Variants in ZMIZ2 observed in about 807,000 individuals in gnomAD.
ZMIZ2 encodes the protein zinc finger MIZ-type containing 2.
In ZMIZ2, 26 loss-of-function variants were observed where a neutral mutation model predicts 93.9. That is an observed-to-expected ratio of 0.28 (90% confidence interval 0.20 to 0.38). The LOEUF (loss-of-function observed/expected upper bound fraction) is 0.38. ZMIZ2 is among the 10% of genes least tolerant of loss of function. The pLI is 1.00. For synonymous variants in ZMIZ2, 485 were observed against 516.4 expected (o/e 0.94, Z 0.82); for missense variants, 1,023 against 1,235.0 (o/e 0.83, Z 2.57).
intron 11 of ZMIZ2, among the ~76,000 whole-genome samples, 182 bp from the exon 12 acceptor site, chr7:44,762,699 G>T (rs1294407212): frequency 6.6e-6 from 1 of 152,216 alleles, no homozygotes; most frequent in African/African-American, 2.4e-5. Context: ...AAGGCAGCTG[G>T]ATGGGGCCAA....
Position 44,758,116 on chromosome 7 carries a change from T to A in ZMIZ2, c.813+8T>A. 11 of 1,531,124 alleles carry A rather than the reference T, an allele frequency of 7.2e-6. No individual in the cohort carries two copies. Among genetic ancestry groups the A allele is most frequent in the Non-Finnish European group, 9.7e-6 (11 of 1,139,196 alleles). The allele number at this position is 1,531,124 out of a possible 1,614,324, so 94.8% of individuals were successfully genotyped here. A position where few individuals can be genotyped will look rare whatever the true frequency, so the allele number is the denominator to read the frequency against. ...AAGAGAACCTACTCTGAGGTGAGTG[T>A]CCAGGTCACCTAGTTTGGGGCCTTG... On this transcript the variant is annotated splice_region_variant and intron_variant, in intron 6 of 18. Transcript: ENST00000309315.
Position 44,765,910 on chromosome 7 carries a change from G to A in ZMIZ2, c.2243-254G>A. ...CCTCTGGGACCCACCTCACACGCGT[G>A]GTGCGTTTGTTTGTGGCTGCTCCCA... On this transcript the variant is annotated intron_variant, in intron 16 of 18. Coordinates refer to ENST00000309315, the MANE Select transcript of ZMIZ2 (RefSeq NM_031449.4). This position sits in a 1 kb window ranked among gnomAD's most constrained non-coding sequence, Gnocchi z 4.1. 2 of 1,392,798 alleles carry A rather than the reference G, an allele frequency of 1.4e-6. No individual in the cohort carries two copies. The highest frequency in any genetic ancestry group is 1.9e-6 in the Non-Finnish European group (2 of 1,076,794). The allele number at this position is 1,392,798 out of a possible 1,614,324, so 86.3% of individuals were successfully genotyped here.
At chr7:44,758,868 C>G (rs1473195727) in intron 6 of ZMIZ2, among the ~76,000 whole-genome samples, 4 of 143,948 alleles carry the variant, frequency 2.8e-5, no homozygotes, top group Non-Finnish European at 6.0e-5. Flanking sequence ...GAGCTGAGAT[C>G]ATGCCACTGC....
chr7:44,750,656 A>G (rs952193880), intron 1 of ZMIZ2, among the ~76,000 whole-genome samples: 5 of 152,054 alleles, frequency 3.3e-5, no homozygotes, highest in African/African-American at 1.2e-4. Flanking sequence ...GGGTGCAGCT[A>G]CTCTGGGACA....
chr7:44,760,151 C>G lies in ZMIZ2; in HGVS notation c.994C>G (p.Pro332Ala). The change falls in exon 8 of 19, where the codon CCC (proline) becomes GCC (alanine). Residue 332 changes from proline to alanine, a missense_variant and splice_region_variant. Physicochemically the swap from Pro to Ala is conservative, Grantham distance 27. Coordinates refer to ENST00000309315, the MANE Select transcript of ZMIZ2 (RefSeq NM_031449.4). ...GTGCATGCAGTTTTCTCTCCCGCAGCCCACAGAGCAGTTCAACGGGCAGGG... is the reference window on the plus strand; with the variant it reads ...GTGCATGCAGTTTTCTCTCCCGCAGGCCACAGAGCAGTTCAACGGGCAGGG... ...VPGPTGLHYK[P>A]TEQFNGQGAS... 6.2e-7 allele frequency: 1 copy of G among 1,613,936 alleles called. No individual in the cohort carries two copies. The highest frequency in any genetic ancestry group is 8.5e-7 in the Non-Finnish European group (1 of 1,179,986).
chr7:44,756,867 T>C, intron 3 of ZMIZ2, 80 bp from the exon 4 acceptor site: 2 of 1,224,996 alleles, frequency 1.6e-6, no homozygotes, highest in East Asian at 3.7e-5. Flanking sequence ...GCCAGGCCTG[T>C]TGGTTTCTAG....
rs1333499342 is a variant in ZMIZ2, at chr7:44,769,870, C to G, written c.*2247C>G. ...ACAGTATGATGCCATTTTTATAAAG[C>G]TCAAAACCAAATATGTGTGGAATTC... On this transcript the variant is annotated 3_prime_UTR_variant, in exon 19 of 19. Coordinates refer to ENST00000309315, the MANE Select transcript of ZMIZ2 (RefSeq NM_031449.4). 1 of 152,288 alleles carries G rather than the reference C, an allele frequency of 6.6e-6. No homozygotes were observed. The allele number at this position is 152,288 out of a possible 1,614,324, so 9.4% of individuals were successfully genotyped here.
rs373902604 is a variant in ZMIZ2 at position 44,766,425 on chromosome 7, C to T, written c.2417C>T (p.Ala806Val). The change falls in exon 18 of 19, where the codon GCA becomes GTA. Residue 806 changes from alanine to valine, a missense_variant. Ala to Val is a moderately conservative substitution (Grantham distance 64). Around this residue, in one of 3 missense-constraint regions of ZMIZ2, gnomAD observed 319 missense variants for 358.8 expected, o/e 0.89. Coordinates refer to ENST00000309315, the MANE Select transcript of ZMIZ2 (RefSeq NM_031449.4). The surrounding 1 kb of genome is among the most constrained non-coding windows in gnomAD (Gnocchi z 4.4). ...KSTACLPSQM[A>V]PAGHLDPTHN... The stretch of plus-strand genomic sequence containing the variant: ...AATTCTTCTCTCTGTCTTCAGATGG[C>T]ACCAGCAGGTCACCTGGACCCCACT... 1.2e-6 allele frequency: 2 copies of T among 1,614,162 alleles called. No homozygotes were observed. Among genetic ancestry groups the T allele is most frequent in the South Asian group, 1.1e-5 (1 of 91,084 alleles).
intron 5 of ZMIZ2, 31 bp from the exon 6 acceptor site, chr7:44,757,817 C>T: frequency 1.3e-6 from 2 of 1,528,354 alleles, no homozygotes; most frequent in South Asian, 2.6e-5. Context: ...GTGGGTGGGA[C>T]CTGGACCATT....
chr7:44,759,917 TG>T (rs1197564600), intron 7 of ZMIZ2: 6 of 553,008 alleles, frequency 1.1e-5, no homozygotes, highest in Non-Finnish European at 1.6e-5. Flanking sequence ...TGGTGCAGCT[TG>T]GGGGAGGAGA....
chr7:44,764,372 T>C (rs1244347709), intron 13 of ZMIZ2, 47 bp from the exon 14 acceptor site: 1 of 1,590,630 alleles, frequency 6.3e-7, no homozygotes, highest in Non-Finnish European at 8.6e-7. Flanking sequence ...AGATTTTCCC[T>C]GTGCTACCCA....
intron 3 of ZMIZ2, 137 bp downstream of exon 3, chr7:44,756,676 G>A (rs115365355): frequency 2.1e-6 from 2 of 942,626 alleles, no homozygotes; most frequent in East Asian, 2.6e-5. Context: ...GACATATGAG[G>A]ATGGGGCCTC....
intron 11 of ZMIZ2, 72 bp from the exon 12 acceptor site, chr7:44,762,809 G>A: frequency 9.4e-7 from 1 of 1,063,796 alleles, no homozygotes. Flanking sequence ...ACAACCCCCA[G>A]CACACCCTTT....
At chr7:44,756,672 T>G in intron 3 of ZMIZ2, 133 bp downstream of exon 3, 1 of 985,606 alleles carries the variant, frequency 1.0e-6, no homozygotes, top group Non-Finnish European at 1.5e-6. Flanking sequence ...GCATGACATA[T>G]GAGGATGGGG....
intron 11 of ZMIZ2, among the ~76,000 whole-genome samples, chr7:44,762,665 G>A (rs943784389): frequency 6.6e-6 from 1 of 152,212 alleles, no homozygotes; most frequent in East Asian, 1.9e-4. Context: ...GGATACAAGC[G>A]TGGGCAGGGC....
chr7:44,754,951 G>A (rs1790464590), intron 1 of ZMIZ2, among the ~76,000 whole-genome samples: 1 of 152,210 alleles, frequency 6.6e-6, no homozygotes, highest in African/African-American at 2.4e-5. Flanking sequence ...GGTAGTGCCA[G>A]TGAGGGCCCT....
chr7:44,766,728 C>A lies in ZMIZ2; in HGVS notation c.2655+65C>A. 6.3e-7 allele frequency: 1 copy of A among 1,587,466 alleles called. No individual in the cohort carries two copies. On this transcript the variant is annotated intron_variant, in intron 18 of 18. Transcript: ENST00000309315. This position sits in a 1 kb window ranked among gnomAD's most constrained non-coding sequence, Gnocchi z 4.4. ...AGGGCTAGAGGTGGTGTGTCTGTTC[C>A]AGGTGCGTTCTGGAAGGGAAGACAG...
chr7:44,757,477 G>GGCAGCCACTGCCACCGCC lies in ZMIZ2; in HGVS notation c.469_486dup (p.Ala157_Ala162dup). 6.2e-7 allele frequency: 1 copy of GGCAGCCACTGCCACCGCC among 1,602,002 alleles called. No homozygotes were observed. The highest frequency in any genetic ancestry group is 8.5e-7 in the Non-Finnish European group (1 of 1,176,750). Reference sequence around the variant, plus strand: ...CAGCTGCTGCAGCTGTGGCTGCTGCGGCAGCCACTGCCACCGCCACAGCCA... The same window carrying GGCAGCCACTGCCACCGCC: ...CAGCTGCTGCAGCTGTGGCTGCTGCGGCAGCCACTGCCACCGCCGCAGCCACTGCCACCGCCACAGCCA... On this transcript the variant is annotated inframe_insertion, in exon 5 of 19. Transcript: ENST00000309315.
intron 11 of ZMIZ2, among the ~76,000 whole-genome samples, 188 bp from the exon 12 acceptor site, chr7:44,762,693 C>G (rs1048552334): frequency 2.6e-5 from 4 of 152,172 alleles, no homozygotes; most frequent in Non-Finnish European, 5.9e-5. Flanking sequence ...CCAGGAAAGG[C>G]AGCTGGATGG....
Sources: allele counts gnomAD v4.1 joint callset (sites outside exome capture counted in the v4.1 genomes callset), GRCh38; gene constraint gnomAD v4.1.1; regional missense constraint gnomAD v4.1.1; non-coding constraint Gnocchi (gnomAD v3.1); transcripts MANE v1.5; gene names NCBI Gene and HGNC (gene_info 2026-07-23, HGNC 2026-07-21).